Variants in SKAP1 observed in about 807,000 individuals in gnomAD.
SKAP1 encodes the protein src kinase associated phosphoprotein 1.
SKAP1 carries 44 observed loss-of-function variants against 58.5 expected under a neutral mutation model. The ratio of observed to expected loss-of-function variants is 0.75; its 90% confidence interval spans 0.59 to 0.97. SKAP1 has a LOEUF of 0.97. Among genes scored for constraint, SKAP1 ranks in the 50% least tolerant of loss-of-function variants. The pLI is 0.00. For missense variants in SKAP1, 390 were observed against 435.2 expected (o/e 0.90, Z 0.92); for synonymous variants, 127 against 149.7 (o/e 0.85, Z 1.11).
chr17:48,227,582 G>C (rs2065083531), intron 4 of SKAP1, among the ~76,000 whole-genome samples: 1 of 152,186 alleles, frequency 6.6e-6, no homozygotes, highest in Non-Finnish European at 1.5e-5. Context: ...ACCTCTAGTG[G>C]AAAATAAAAG....
intron 4 of SKAP1, among the ~76,000 whole-genome samples, chr17:48,272,770 T>C (rs948114613): frequency 1.3e-5 from 2 of 152,064 alleles, no homozygotes; most frequent in Non-Finnish European, 2.9e-5. Context: ...TTGCCCAGGC[T>C]GGTCTCGAAC....
At chr17:48,189,167 G>C (rs1567812396) in intron 5 of SKAP1, among the ~76,000 whole-genome samples, 1 of 152,200 alleles carries the variant, frequency 6.6e-6, no homozygotes, top group African/African-American at 2.4e-5. Context: ...TCACATACCA[G>C]GCATTGGGGA....
chr17:48,292,143 A>AG (rs1317249435), intron 4 of SKAP1, among the ~76,000 whole-genome samples: 14 of 150,170 alleles, frequency 9.3e-5, no homozygotes, highest in Non-Finnish European at 1.6e-4. Context: ...AAAAAAAAAA[A>AG]AAAGAAAGAA....
chr17:48,295,401 A>G (rs373787621), intron 4 of SKAP1: 24 of 152,180 alleles, frequency 1.6e-4, no homozygotes, highest in East Asian at 3.8e-4. Context: ...GTAGCATATG[A>G]TAAGGAGAAA....
At chr17:48,392,960 G>T (rs928979397) in intron 2 of SKAP1, among the ~76,000 whole-genome samples, 1 of 151,602 alleles carries the variant, frequency 6.6e-6, no homozygotes, top group African/African-American at 2.4e-5. Flanking sequence ...TTTAAAAAAT[G>T]CTCTACTGTT....
chr17:48,385,702 C>T (rs117277141), intron 2 of SKAP1, among the ~76,000 whole-genome samples: 45 of 152,230 alleles, frequency 3.0e-4, no homozygotes, highest in Admixed American at 7.9e-4. Flanking sequence ...TTTGGGAAAA[C>T]GAGCAGATTC....
intron 11 of SKAP1, among the ~76,000 whole-genome samples, chr17:48,158,833 G>A (rs2064028079): frequency 2.0e-5 from 3 of 151,636 alleles, no homozygotes; most frequent in South Asian, 2.1e-4. Flanking sequence ...GGTGGCGGGC[G>A]CCTGTAGTCC....
chr17:48,327,588 G>C (rs1008819256), intron 4 of SKAP1, among the ~76,000 whole-genome samples: 2 of 151,930 alleles, frequency 1.3e-5, no homozygotes, highest in African/African-American at 2.4e-5. Flanking sequence ...TTTGACTCTG[G>C]AGTTTCCCAC....
intron 4 of SKAP1, among the ~76,000 whole-genome samples, chr17:48,322,139 A>G (rs1205389970): frequency 1.3e-5 from 2 of 152,204 alleles, no homozygotes; most frequent in African/African-American, 4.8e-5. Context: ...GTTTTTGTAG[A>G]ATTTCCCATT....
intron 4 of SKAP1, among the ~76,000 whole-genome samples, chr17:48,220,475 T>C (rs1027498480): frequency 6.6e-6 from 1 of 152,156 alleles, no homozygotes; most frequent in South Asian, 2.1e-4. Flanking sequence ...AATCTGTTCA[T>C]ATGAAGTTCA....
At chr17:48,438,145 G>T in the SKAP1 span, among the ~76,000 whole-genome samples, 1 of 152,140 alleles carries the variant, frequency 6.6e-6, no homozygotes, top group Non-Finnish European at 1.5e-5. Context: ...GCTCAAATCT[G>T]CCACCGCTTG....
At chr17:48,156,437 C>T (rs781566509) in intron 11 of SKAP1, 3 of 524,932 alleles carry the variant, frequency 5.7e-6, no homozygotes, top group Non-Finnish European at 7.8e-6. Flanking sequence ...CCTGCACCAG[C>T]GCCACAATCT....
At chr17:48,415,979 T>C (rs1000475414) in intron 1 of SKAP1, among the ~76,000 whole-genome samples, 2 of 152,202 alleles carry the variant, frequency 1.3e-5, no homozygotes, top group Non-Finnish European at 2.9e-5. Context: ...CATCAAAATA[T>C]TGTCTATAGT....
intron 4 of SKAP1, among the ~76,000 whole-genome samples, chr17:48,329,746 C>A (rs72827832): frequency 0.15 from 23,236 of 151,956 alleles, 2,416 homozygotes; most frequent in Non-Finnish European, 0.22. Context: ...ATGCTACTTC[C>A]TTTTCTGTGA....
At chr17:48,340,095 G>A (rs1453000631) in intron 4 of SKAP1, among the ~76,000 whole-genome samples, 2 of 152,110 alleles carry the variant, frequency 1.3e-5, no homozygotes, top group Admixed American at 6.5e-5. Context: ...CAAGAGAATC[G>A]CTTGAACCCA....
chr17:48,391,670 CTG>C (rs1424461921), intron 2 of SKAP1, among the ~76,000 whole-genome samples: 1 of 151,794 alleles, frequency 6.6e-6, no homozygotes, highest in Non-Finnish European at 1.5e-5. Context: ...AGGGATAAGA[CTG>C]AAAAAGGAAG....
At chr17:48,278,593 G>A (rs938555395) in intron 4 of SKAP1, among the ~76,000 whole-genome samples, 8 of 152,166 alleles carry the variant, frequency 5.3e-5, no homozygotes, top group Non-Finnish European at 1.2e-4. Flanking sequence ...GGGAAGTCAA[G>A]TTGAATGATT....
At chr17:48,352,049 TA>T (rs1342147121) in intron 3 of SKAP1, among the ~76,000 whole-genome samples, 2 of 130,742 alleles carry the variant, frequency 1.5e-5, no homozygotes, top group African/African-American at 5.8e-5. Flanking sequence ...TCCTAGTTCT[TA>T]AAAAAAGAAA....
At chr17:48,182,526 C>A in intron 7 of SKAP1, 69 bp from the exon 8 acceptor site, 1 of 1,091,480 alleles carries the variant, frequency 9.2e-7, no homozygotes, top group Non-Finnish European at 1.4e-6. Context: ...CAGGGATGTC[C>A]AAGGGGGAGG....
Sources: gnomAD v4.1 joint callset for allele counts (sites outside exome capture counted in the v4.1 genomes callset) on GRCh38, gnomAD v4.1.1 for gene constraint, MANE v1.5 for transcripts, NCBI Gene and HGNC (gene_info 2026-07-23, HGNC 2026-07-21) for gene names.